Variants in ERC2 observed in about 807,000 individuals in gnomAD.
ERC2 encodes the protein ERC protein 2.
A neutral mutation model predicts 114.8 loss-of-function variants in ERC2; 42 were observed. The ratio of observed to expected loss-of-function variants is 0.37; its 90% CI spans 0.29 to 0.47. The LOEUF (loss-of-function observed/expected upper bound fraction) is 0.47. Ranked by LOEUF, ERC2 falls within the 20% of genes least tolerant of loss-of-function variation. ERC2 has a pLI of 0.99. For missense variants in ERC2, 939 were observed against 1,150.7 expected, an observed-to-expected ratio of 0.82 and a Z score of 2.66; for synonymous variants, 454 against 425.5, an observed-to-expected ratio of 1.07 and a Z score of -0.82.
At chr3:55,777,453 G>A (rs2068712739) in intron 14 of ERC2, among the ~76,000 whole-genome samples, 1 of 152,224 alleles carries the variant, frequency 6.6e-6, no homozygotes, top group South Asian at 2.1e-4. Flanking sequence ...AAACAAAAGT[G>A]GGCATACAGG....
intron 7 of ERC2, among the ~76,000 whole-genome samples, chr3:56,039,532 G>A (rs879484431): frequency 3.3e-5 from 5 of 152,034 alleles, no homozygotes; most frequent in East Asian, 1.9e-4. Flanking sequence ...CCATGTTCAC[G>A]AATTTGAAAA....
intron 12 of ERC2, among the ~76,000 whole-genome samples, chr3:55,951,823 A>G (rs1469675606): frequency 6.6e-6 from 1 of 152,100 alleles, no homozygotes. Flanking sequence ...TAGATGATAA[A>G]CAGCAAACGT....
chr3:56,442,001 C>T (rs1047783535), intron 1 of ERC2, among the ~76,000 whole-genome samples: 2 of 152,166 alleles, frequency 1.3e-5, no homozygotes, highest in African/African-American at 4.8e-5. Context: ...AGTGAGAACT[C>T]ATCTCTATAA....
intron 2 of ERC2, among the ~76,000 whole-genome samples, chr3:56,367,461 C>T (rs980121888): frequency 6.6e-6 from 1 of 151,836 alleles, no homozygotes; most frequent in Non-Finnish European, 1.5e-5. Context: ...TCTCCTTCTG[C>T]ACCTCTCTCA....
At chr3:55,996,329 C>T (rs534427724) in intron 10 of ERC2, among the ~76,000 whole-genome samples, 1 of 152,252 alleles carries the variant, frequency 6.6e-6, no homozygotes, top group Non-Finnish European at 1.5e-5. Context: ...ATCTTATTTA[C>T]CATGAATATA....
intron 17 of ERC2, among the ~76,000 whole-genome samples, chr3:55,553,011 ATTTTTTTTTTT>A (rs66602607): frequency 3.1e-4 from 17 of 55,218 alleles, no homozygotes; most frequent in African/African-American, 3.3e-4. Flanking sequence ...GGGCTTCCAG[ATTTTTTTTTTT>A]TTTTTTTTTT....
At chr3:56,044,842 A>C (rs1432384007) in intron 7 of ERC2, among the ~76,000 whole-genome samples, 1 of 152,200 alleles carries the variant, frequency 6.6e-6, no homozygotes, top group Non-Finnish European at 1.5e-5. Context: ...GAGGAAGGAC[A>C]GGGAGATGAA....
At chr3:56,139,373 C>T (rs1192485631) in intron 6 of ERC2, 136 bp downstream of exon 6, 2 of 820,950 alleles carry the variant, frequency 2.4e-6, no homozygotes, top group Non-Finnish European at 3.7e-6. Context: ...TTCTGAAAGC[C>T]CAACAAATAT....
chr3:55,955,888 T>C (rs2067918549), intron 12 of ERC2, among the ~76,000 whole-genome samples: 1 of 152,240 alleles, frequency 6.6e-6, no homozygotes, highest in African/African-American at 2.4e-5. Flanking sequence ...ATCAGAAGTC[T>C]GCCATTTCTA....
chr3:56,442,374 C>T (rs1039421602), intron 1 of ERC2, among the ~76,000 whole-genome samples: 2 of 152,146 alleles, frequency 1.3e-5, no homozygotes, highest in Non-Finnish European at 2.9e-5. Context: ...CGCACACCCC[C>T]TCGCCTGGCA....
chr3:56,051,159 C>A (rs1000205875), intron 7 of ERC2, among the ~76,000 whole-genome samples: 1 of 152,142 alleles, frequency 6.6e-6, no homozygotes, highest in Non-Finnish European at 1.5e-5. Flanking sequence ...CAGAACTTTG[C>A]TCTGCTTGTT....
intron 2 of ERC2, among the ~76,000 whole-genome samples, chr3:56,337,461 C>T (rs2057905033): frequency 6.6e-6 from 1 of 152,172 alleles, no homozygotes; most frequent in African/African-American, 2.4e-5. Flanking sequence ...CCTCAGGGTC[C>T]TCATTTGCAA....
intron 13 of ERC2, among the ~76,000 whole-genome samples, chr3:55,933,125 C>T (rs1490634507): frequency 4.0e-5 from 6 of 151,536 alleles, no homozygotes; most frequent in African/African-American, 1.5e-4. Flanking sequence ...AGGAGAATAG[C>T]TTGAACCTGG....
chr3:55,986,036 G>A (rs2070600887), intron 11 of ERC2, 48 bp from the exon 12 acceptor site: 1 of 1,520,686 alleles, frequency 6.6e-7, no homozygotes, highest in Non-Finnish European at 8.8e-7. Context: ...TAAGCAGAAA[G>A]GAAAAGGGAT....
intron 3 of ERC2, among the ~76,000 whole-genome samples, chr3:56,216,624 C>T (rs1410311788): frequency 2.0e-5 from 3 of 152,190 alleles, no homozygotes; most frequent in African/African-American, 7.2e-5. Flanking sequence ...AGAGGGAATC[C>T]TCCCTAACTC....
intron 3 of ERC2, among the ~76,000 whole-genome samples, chr3:56,268,056 T>C (rs1406925764): frequency 1.3e-5 from 2 of 152,216 alleles, no homozygotes. Context: ...TTGTAATCAC[T>C]TCACAATGTA....
chr3:55,901,583 T>C (rs527508088), intron 13 of ERC2, among the ~76,000 whole-genome samples: 1 of 152,328 alleles, frequency 6.6e-6, no homozygotes, highest in South Asian at 2.1e-4. Flanking sequence ...ATCTCATGCT[T>C]TAACTCTCCT....
chr3:56,027,975 G>A lies in ERC2; in HGVS notation c.1642-8944C>T, dbSNP rs1189814745. Among the ~76,000 whole-genome samples the A allele has an allele frequency of 2.6e-5, 4 of 152,030 alleles. No individual in the cohort carries two copies. In the East Asian group the frequency reaches 7.7e-4, roughly 29 times the overall value. Reference sequence around the variant, plus strand: ...TACTTTTTGTTATTTTTTGCATAAGGTGTGAAGTTTAGGTCAATGTTCATT... The same window carrying A: ...TACTTTTTGTTATTTTTTGCATAAGATGTGAAGTTTAGGTCAATGTTCATT... On this transcript the variant is annotated intron_variant, in intron 7 of 17. Coordinates refer to ENST00000288221, the MANE Select transcript of ERC2 (RefSeq NM_015576.3).
intron 17 of ERC2, among the ~76,000 whole-genome samples, chr3:55,589,300 G>A (rs1396633558): frequency 1.3e-5 from 2 of 151,522 alleles, no homozygotes; most frequent in African/African-American, 4.8e-5. Flanking sequence ...TAAAAACCAT[G>A]TGCTTAGAGC....
Sources: gnomAD v4.1 joint callset for allele counts (sites outside exome capture counted in the v4.1 genomes callset) on GRCh38, gnomAD v4.1.1 for gene constraint, MANE v1.5 for transcripts, NCBI Gene and HGNC (gene_info 2026-07-23, HGNC 2026-07-21) for gene names.